NYAP2: variants seen among roughly 807,000 people sequenced by gnomAD.
The protein encoded by NYAP2 is neuronal tyrosine-phosphorylated phosphoinositide-3-kinase adaptor 2, also known as neuronal tyrosine-phosphorylated phosphoinositide-3-kinase adapter 2.
Under a neutral mutation model 50.4 loss-of-function variants are expected in NYAP2, and 23 were observed. The observed-to-expected ratio is 0.46, with a 90% CI of 0.33 to 0.65. The LOEUF is 0.65. Ranked by LOEUF, NYAP2 falls within the 30% of genes least tolerant of loss-of-function variation. The pLI is 0.02. For missense variants in NYAP2, 885 were observed against 861.0 expected, an observed-to-expected ratio of 1.03 and a Z score of -0.35; for synonymous variants, 394 against 365.2, an observed-to-expected ratio of 1.08 and a Z score of -0.90.
chr2:225,407,987 C>G (rs1300217356), intron 2 of NYAP2, among the ~76,000 whole-genome samples: 3 of 151,772 alleles, frequency 2.0e-5, no homozygotes, highest in South Asian at 2.1e-4. Flanking sequence ...AAATTATTTA[C>G]AGTCTTCATC....
intron 3 of NYAP2, among the ~76,000 whole-genome samples, chr2:225,507,332 C>A (rs1211219444): frequency 1.3e-5 from 2 of 152,188 alleles, no homozygotes; most frequent in Admixed American, 1.3e-4. Flanking sequence ...GCTCACCTTT[C>A]TCATGGGTTT....
chr2:225,642,875 T>C (rs893080148), intron 6 of NYAP2, among the ~76,000 whole-genome samples: 5 of 152,190 alleles, frequency 3.3e-5, no homozygotes, highest in Non-Finnish European at 5.9e-5. Flanking sequence ...AATAAATTTG[T>C]ATGGGTGTTT....
At chr2:225,603,441 T>G (rs1348184861) in intron 5 of NYAP2, among the ~76,000 whole-genome samples, 1 of 152,120 alleles carries the variant, frequency 6.6e-6, no homozygotes, top group South Asian at 2.1e-4. Context: ...GACAGACAGA[T>G]TCAGAACTGA....
chr2:225,665,088 C>G, the NYAP2 span, among the ~76,000 whole-genome samples: 1 of 152,134 alleles, frequency 6.6e-6, no homozygotes, highest in Non-Finnish European at 1.5e-5. Context: ...TAGAATTTTA[C>G]CTTTGCAAAT....
intron 5 of NYAP2, among the ~76,000 whole-genome samples, chr2:225,589,537 A>ATATATATATATG (rs1162511390): frequency 7.2e-6 from 1 of 139,220 alleles, no homozygotes; most frequent in African/African-American, 2.7e-5. Flanking sequence ...ATATATATAT[A>ATATATATATATG]TATATTTAAT....
intron 4 of NYAP2, among the ~76,000 whole-genome samples, chr2:225,568,417 CTT>C (rs1692000783): frequency 6.6e-6 from 1 of 152,126 alleles, no homozygotes; most frequent in Admixed American, 6.5e-5. Context: ...TATTACCACT[CTT>C]TATTAGTCTC....
chr2:225,627,569 A>G lies in NYAP2; in HGVS notation c.1828+443A>G, dbSNP rs561240366. Among the ~76,000 whole-genome samples, 3 of 152,362 alleles carry G rather than the reference A, an allele frequency of 2.0e-5. No individual in the cohort carries two copies. In the South Asian group the frequency reaches 6.2e-4, roughly 32 times the overall value. On this transcript the variant is annotated intron_variant, in intron 6 of 6. Transcript: ENST00000636099. The stretch of plus-strand genomic sequence containing the variant: ...AATGTAACAAAGATAATCTGAAAGC[A>G]GTAAAGAAAGTAGATATTAGGAGGC...
intron 4 of NYAP2, among the ~76,000 whole-genome samples, chr2:225,564,941 G>A (rs1574680782): frequency 6.6e-6 from 1 of 151,804 alleles, no homozygotes; most frequent in Admixed American, 6.6e-5. Flanking sequence ...ACCAGCCTGG[G>A]CAACATGGTG....
At chr2:225,581,986 T>C (rs993967058) in exon 5 of NYAP2, 1 of 1,612,480 alleles carries the variant, frequency 6.2e-7, no homozygotes, top group African/African-American at 1.3e-5. Context: ...TCCAAGAAGA[T>C]TCCTCCTCCC....
intron 6 of NYAP2, among the ~76,000 whole-genome samples, chr2:225,630,323 GTGTTTTGCAGC>G (rs778325032): frequency 3.9e-4 from 60 of 152,284 alleles, no homozygotes; most frequent in Middle Eastern, 3.4e-3. Flanking sequence ...GCAGTTCCAG[GTGTTTTGCAGC>G]TGTTCAGGGA....
intron 3 of NYAP2, among the ~76,000 whole-genome samples, chr2:225,472,449 G>A (rs1690026781): frequency 6.6e-6 from 1 of 152,290 alleles, no homozygotes; most frequent in African/African-American, 2.4e-5. Context: ...GTGAGGCATA[G>A]CATAAGTGCA....
At chr2:225,439,746 G>A (rs945514309) in intron 3 of NYAP2, among the ~76,000 whole-genome samples, 1 of 152,158 alleles carries the variant, frequency 6.6e-6, no homozygotes, top group Non-Finnish European at 1.5e-5. Flanking sequence ...CAGTGTTATA[G>A]TTCATTCTCA....
intron 3 of NYAP2, among the ~76,000 whole-genome samples, chr2:225,488,621 C>T (rs371523099): frequency 9.5e-4 from 144 of 152,310 alleles, no homozygotes; most frequent in African/African-American, 3.4e-3. Context: ...TGATCGCCCA[C>T]CTTGGCCTCC....
chr2:225,633,273 A>C (rs1693353002), intron 6 of NYAP2, among the ~76,000 whole-genome samples: 1 of 152,214 alleles, frequency 6.6e-6, no homozygotes, highest in Non-Finnish European at 1.5e-5. Context: ...CAGGGTTTAT[A>C]GTGTAACATT....
At chr2:225,612,748 C>CA (rs1559229857) in intron 5 of NYAP2, among the ~76,000 whole-genome samples, 2 of 54,540 alleles carry the variant, frequency 3.7e-5, no homozygotes, top group Non-Finnish European at 4.7e-5. Flanking sequence ...GAGGCCCCCC[C>CA]CTTACAATCT....
chr2:225,413,305 A>C (rs1695076454), intron 3 of NYAP2, among the ~76,000 whole-genome samples: 1 of 152,118 alleles, frequency 6.6e-6, no homozygotes, highest in African/African-American at 2.4e-5. Flanking sequence ...CAGGCCAAAA[A>C]AATAAATAAT....
chr2:225,529,541 T>A (rs1691215259), intron 4 of NYAP2, among the ~76,000 whole-genome samples: 1 of 152,028 alleles, frequency 6.6e-6, no homozygotes, highest in South Asian at 2.1e-4. Context: ...GACAGGGTAG[T>A]CTCAAACTCC....
chr2:225,558,180 G>C (rs1379760182), intron 4 of NYAP2, among the ~76,000 whole-genome samples: 3 of 152,172 alleles, frequency 2.0e-5, no homozygotes, highest in Non-Finnish European at 4.4e-5. Flanking sequence ...AATAAAGTGA[G>C]TATTTGAGAT....
At chr2:225,403,992 C>A (rs1401003851) in intron 2 of NYAP2, among the ~76,000 whole-genome samples, 1 of 151,872 alleles carries the variant, frequency 6.6e-6, no homozygotes, top group Non-Finnish European at 1.5e-5. Flanking sequence ...GATGGCATGC[C>A]TAATATTTAT....
Sources: gnomAD v4.1 joint callset for allele counts (sites outside exome capture counted in the v4.1 genomes callset) on GRCh38, gnomAD v4.1.1 for gene constraint, MANE v1.5 for transcripts, NCBI Gene and HGNC (gene_info 2026-07-23, HGNC 2026-07-21) for gene names.